ZCCHC7: variants seen among roughly 807,000 people sequenced by gnomAD.
ZCCHC7 encodes the protein zinc finger CCHC domain-containing protein 7.
Under a neutral mutation model 52.0 loss-of-function variants are expected in ZCCHC7, and 35 were observed. The ratio of observed to expected loss-of-function variants is 0.67; its 90% CI spans 0.51 to 0.89. ZCCHC7 has a LOEUF of 0.89. Among genes scored for constraint, ZCCHC7 ranks in the 40% least tolerant of loss-of-function variants. ZCCHC7 has a pLI of 0.00. For missense variants in ZCCHC7, 574 were observed against 649.1 expected, an observed-to-expected ratio of 0.88 and a Z score of 1.26; for synonymous variants, 217 against 221.5, an observed-to-expected ratio of 0.98 and a Z score of 0.18.
chr9:37,187,653 C>T (rs959463441), intron 2 of ZCCHC7, among the ~76,000 whole-genome samples: 4 of 152,208 alleles, frequency 2.6e-5, no homozygotes, highest in African/African-American at 9.7e-5. Context: ...AGCAAAGTGG[C>T]AGTGCCATTA....
chr9:37,169,769 G>C (rs1821628246), intron 2 of ZCCHC7, among the ~76,000 whole-genome samples: 1 of 151,998 alleles, frequency 6.6e-6, no homozygotes, highest in Non-Finnish European at 1.5e-5. Context: ...TGTTCCTTTT[G>C]AAAATTTTTT....
chr9:37,121,061 G>T (rs1842293023), intron 1 of ZCCHC7, among the ~76,000 whole-genome samples: 1 of 152,224 alleles, frequency 6.6e-6, no homozygotes, highest in South Asian at 2.1e-4. Context: ...AGCAGCAGCT[G>T]CAGCAGTAGA....
At chr9:37,253,217 T>TA (rs1826415028) in intron 2 of ZCCHC7, among the ~76,000 whole-genome samples, 1 of 152,040 alleles carries the variant, frequency 6.6e-6, no homozygotes. Flanking sequence ...TCCTGAAGAA[T>TA]AATAATTAGA....
chr9:37,302,261 A>T (rs371132870), intron 3 of ZCCHC7, 30 bp downstream of exon 3: 2 of 1,552,424 alleles, frequency 1.3e-6, no homozygotes, highest in African/African-American at 2.7e-5. Flanking sequence ...AAAATTCAGA[A>T]TAATAATTTC....
At chr9:37,128,053 G>C (rs1334784833) in intron 2 of ZCCHC7, among the ~76,000 whole-genome samples, 1 of 152,174 alleles carries the variant, frequency 6.6e-6, no homozygotes, top group East Asian at 1.9e-4. Flanking sequence ...ATAGTAGTTA[G>C]GACAGAACAG....
chr9:37,160,572 T>G (rs1450925461), intron 2 of ZCCHC7, among the ~76,000 whole-genome samples: 2 of 152,056 alleles, frequency 1.3e-5, no homozygotes, highest in African/African-American at 4.8e-5. Context: ...GGCCAGAATA[T>G]CCCAAATCTA....
intron 4 of ZCCHC7, 46 bp from the exon 5 acceptor site, chr9:37,305,498 C>A (rs1458963913): frequency 6.2e-7 from 1 of 1,603,634 alleles, no homozygotes; most frequent in Non-Finnish European, 8.5e-7. Context: ...TACTAATCTT[C>A]TACCTTTTGA....
intron 2 of ZCCHC7, among the ~76,000 whole-genome samples, chr9:37,252,287 G>A (rs1826365696): frequency 6.6e-6 from 1 of 152,118 alleles, no homozygotes; most frequent in South Asian, 2.1e-4. Flanking sequence ...ACAGTAGATA[G>A]CATTGAGTGC....
chr9:37,335,800 C>A (rs866702503), intron 6 of ZCCHC7, among the ~76,000 whole-genome samples: 1 of 152,062 alleles, frequency 6.6e-6, no homozygotes, highest in Non-Finnish European at 1.5e-5. Context: ...TTGTCTTATT[C>A]TTTTCCATTT....
intron 6 of ZCCHC7, among the ~76,000 whole-genome samples, chr9:37,345,955 G>GT (rs901229289): frequency 4.0e-5 from 6 of 151,722 alleles, no homozygotes; most frequent in Admixed American, 2.0e-4. Context: ...GTTTGAAGTA[G>GT]TTTTTTTTGT....
At chr9:37,121,854 T>C (rs1157356370) in intron 1 of ZCCHC7, among the ~76,000 whole-genome samples, 1 of 152,240 alleles carries the variant, frequency 6.6e-6, no homozygotes, top group East Asian at 1.9e-4. Flanking sequence ...CTTTTGTGAC[T>C]TTTGTTTTAC....
intron 2 of ZCCHC7, among the ~76,000 whole-genome samples, chr9:37,165,022 GTCT>G (rs1159538869): frequency 6.6e-6 from 1 of 152,130 alleles, no homozygotes; most frequent in East Asian, 1.9e-4. Context: ...GTCTATTTAG[GTCT>G]TCTTTTATTT....
chr9:37,225,801 A>G (rs1825068289), intron 2 of ZCCHC7, among the ~76,000 whole-genome samples: 5 of 152,328 alleles, frequency 3.3e-5, no homozygotes, highest in African/African-American at 1.2e-4. Context: ...CACTTTCTTA[A>G]TCCAATTCAA....
chr9:37,288,308 C>A (rs558543804), intron 2 of ZCCHC7, among the ~76,000 whole-genome samples: 6 of 147,866 alleles, frequency 4.1e-5, no homozygotes, highest in Admixed American at 1.3e-4. Context: ...ATCTATCTAT[C>A]TATATAGATA....
intron 1 of ZCCHC7, among the ~76,000 whole-genome samples, chr9:37,123,207 G>A (rs1842398734): frequency 7.9e-6 from 1 of 127,010 alleles, no homozygotes. Flanking sequence ...GTGTGTGTGT[G>A]TGTGTGTGTG....
At chr9:37,234,547 A>G (rs1410709432) in intron 2 of ZCCHC7, among the ~76,000 whole-genome samples, 3 of 152,212 alleles carry the variant, frequency 2.0e-5, no homozygotes, top group Non-Finnish European at 4.4e-5. Flanking sequence ...GCAGTGAAGT[A>G]TAGGGTGGTT....
chr9:37,194,387 C>T (rs890259914), intron 2 of ZCCHC7, among the ~76,000 whole-genome samples: 1 of 151,944 alleles, frequency 6.6e-6, no homozygotes, highest in Non-Finnish European at 1.5e-5. Flanking sequence ...AACTCAAGAG[C>T]AAGACTGTTA....
At position 37,314,101 on chromosome 9, in the gene ZCCHC7, C is replaced by G. The variant is rs376420695; in HGVS notation, c.951+8387C>G. On this transcript the variant is annotated intron_variant, in intron 5 of 8. Transcript: ENST00000336755. Reference sequence around the variant, plus strand: ...TATTAGTCACTTTGAGTGGACTTAGCAGCTTACTAGCAAGCTTATCTTGTC... The same window carrying G: ...TATTAGTCACTTTGAGTGGACTTAGGAGCTTACTAGCAAGCTTATCTTGTC... Among the ~76,000 whole-genome samples, 101 of 152,228 alleles carry G rather than the reference C, an allele frequency of 6.6e-4. No homozygotes were observed. In the Middle Eastern group the frequency reaches 0.01, roughly 15 times the overall value.
intron 2 of ZCCHC7, among the ~76,000 whole-genome samples, chr9:37,269,364 A>G (rs918128143): frequency 5.9e-5 from 9 of 152,132 alleles, no homozygotes; most frequent in African/African-American, 2.2e-4. Context: ...CTGCAGAAAT[A>G]CCAGTTAAGA....
Sources: allele counts gnomAD v4.1 joint callset (sites outside exome capture counted in the v4.1 genomes callset), GRCh38; gene constraint gnomAD v4.1.1; transcripts MANE v1.5; gene names NCBI Gene and HGNC (gene_info 2026-07-23, HGNC 2026-07-21).